Variants in WDR41 observed in about 807,000 individuals in gnomAD.
WDR41 encodes WD repeat domain 41, also known as WD repeat-containing protein 41.
A neutral mutation model predicts 69.3 loss-of-function variants in WDR41; 63 were observed. The observed-to-expected ratio is 0.91, with a 90% CI of 0.74 to 1.12. The LOEUF (loss-of-function observed/expected upper bound fraction) is 1.12. WDR41 is among the 50% of genes most tolerant of loss of function. WDR41 has a pLI of 0.00. For missense variants in WDR41, 543 were observed against 534.5 expected (o/e 1.02, Z -0.16); for synonymous variants, 185 against 192.1 (o/e 0.96, Z 0.31).
chr5:77,502,950 T>C lies in WDR41; in HGVS notation c.43-13378A>G, dbSNP rs185733692. On this transcript the variant is annotated intron_variant, in intron 1 of 5. Coordinates refer to the WDR41 transcript ENST00000509971. ...AAGACCATCAATGCTATGAAGAAAC[T>C]GCATCAATTAACGGGAAAAATAACC... 1.8e-3 allele frequency among the ~76,000 whole-genome samples: 278 copies of C among 152,174 alleles called. 2 individuals are homozygous for C. Among genetic ancestry groups the C allele is most frequent in the African/African-American group, 6.4e-3 (266 of 41,494 alleles).
At chr5:77,486,745 A>G (rs890394126) in intron 2 of WDR41, among the ~76,000 whole-genome samples, 7 of 152,222 alleles carry the variant, frequency 4.6e-5, no homozygotes, top group Non-Finnish European at 7.3e-5. Flanking sequence ...TGACAGAGGC[A>G]TAAGTGAATC....
In WDR41 at chr5:77,549,731, G is replaced by A. The variant is rs12653032; in HGVS notation, c.43-60159C>T. Among the ~76,000 whole-genome samples the A allele has an allele frequency of 2.7e-4, 41 of 152,164 alleles. No homozygotes were observed. In the East Asian group the frequency reaches 6.6e-3, roughly 24 times the overall value. ...ATAAATTCAACACTATTCCTATCAA[G>A]CTACCAATGTCATTTTTCACAGAAT... On this transcript the variant is annotated intron_variant, in intron 1 of 5. Transcript: ENST00000509971.
intron 1 of WDR41, among the ~76,000 whole-genome samples, chr5:77,618,713 T>C (rs1235186686): frequency 6.6e-6 from 1 of 152,184 alleles, no homozygotes; most frequent in Non-Finnish European, 1.5e-5. Flanking sequence ...TTAGTGCCTG[T>C]GACCATAGCC....
chr5:77,504,901 A>G (rs968655681), intron 1 of WDR41, among the ~76,000 whole-genome samples: 48 of 152,224 alleles, frequency 3.2e-4, no homozygotes, highest in African/African-American at 1.1e-3. Context: ...ATTTATGACA[A>G]ATCCACAGCC....
Position 77,431,267 on chromosome 5 carries a change from C to G in WDR41, c.*1868G>C, listed in dbSNP as rs1798712425. On this transcript the variant is annotated 3_prime_UTR_variant, in exon 13 of 13. Coordinates refer to ENST00000296679, the MANE Select transcript of WDR41 (RefSeq NM_018268.4). Reference sequence around the variant, plus strand: ...ATTTTAAGGAACTGCCACAGCCACCCCAACCTTCAGTAACCACCTTAGTCA... The same window carrying G: ...ATTTTAAGGAACTGCCACAGCCACCGCAACCTTCAGTAACCACCTTAGTCA... 6.6e-6 allele frequency: 1 copy of G among 152,466 alleles called. No homozygotes were observed. Among genetic ancestry groups the G allele is most frequent in the Non-Finnish European group, 1.5e-5 (1 of 68,046 alleles). The allele number at this position is 152,466 out of a possible 1,614,324, so 9.4% of individuals were successfully genotyped here. A position where few individuals can be genotyped will look rare whatever the true frequency, so the allele number is the denominator to read the frequency against.
intron 11 of WDR41, 47 bp downstream of exon 11, chr5:77,437,287 TGA>T: frequency 6.7e-7 from 1 of 1,496,612 alleles, no homozygotes; most frequent in Non-Finnish European, 9.3e-7. Flanking sequence ...GCCTTTCACG[TGA>T]GAAAAAAGGA....
intron 1 of WDR41, among the ~76,000 whole-genome samples, chr5:77,551,611 G>A (rs1743297671): frequency 6.6e-6 from 1 of 152,138 alleles, no homozygotes; most frequent in South Asian, 2.1e-4. Context: ...CCAGGAGGTA[G>A]AGGCTGAAGT....
intron 2 of WDR41, among the ~76,000 whole-genome samples, chr5:77,466,149 A>G (rs1800295381): frequency 6.6e-6 from 1 of 151,552 alleles, no homozygotes; most frequent in East Asian, 2.0e-4. Flanking sequence ...TTAGGTAACT[A>G]GCTAAAAATC....
At chr5:77,436,422 C>G (rs1226217660) in intron 11 of WDR41, 28 bp from the exon 12 acceptor site, 1 of 1,612,926 alleles carries the variant, frequency 6.2e-7, no homozygotes, top group Admixed American at 1.7e-5. Context: ...TCCAAAATTA[C>G]TGTGCTCTGT....
chr5:77,613,264 T>A (rs1415361178), intron 1 of WDR41, among the ~76,000 whole-genome samples: 2 of 152,104 alleles, frequency 1.3e-5, no homozygotes, highest in South Asian at 2.1e-4. Flanking sequence ...AAGCTACCAA[T>A]GACTTTCTTC....
At chr5:77,472,093 T>G (rs543375137) in intron 2 of WDR41, among the ~76,000 whole-genome samples, 7 of 152,322 alleles carry the variant, frequency 4.6e-5, no homozygotes, top group Admixed American at 6.5e-5. Flanking sequence ...GTGGGCTTCA[T>G]CACTGGGATG....
intron 1 of WDR41, among the ~76,000 whole-genome samples, chr5:77,611,260 T>C (rs1438303878): frequency 1.3e-5 from 2 of 151,800 alleles, no homozygotes; most frequent in East Asian, 1.9e-4. Context: ...GACAGAAAGT[T>C]AACAAGGATA....
chr5:77,613,136 A>G (rs1287876697), intron 1 of WDR41, among the ~76,000 whole-genome samples: 3 of 151,946 alleles, frequency 2.0e-5, no homozygotes, highest in African/African-American at 7.3e-5. Context: ...TGCTCAATGA[A>G]ATAAAAGAGG....
intron 1 of WDR41, among the ~76,000 whole-genome samples, chr5:77,576,796 G>C (rs193114175): frequency 6.6e-6 from 1 of 152,090 alleles, no homozygotes; most frequent in South Asian, 2.1e-4. Context: ...CTCCCTGCTC[G>C]CTCCTATCAT....
intron 1 of WDR41, among the ~76,000 whole-genome samples, chr5:77,609,007 G>C (rs1016419581): frequency 6.6e-5 from 10 of 152,188 alleles, no homozygotes; most frequent in Admixed American, 6.5e-4. Context: ...ATTATATCCC[G>C]CACCTGGCTC....
intron 1 of WDR41, among the ~76,000 whole-genome samples, chr5:77,522,175 C>T (rs1020216820): frequency 5.3e-5 from 8 of 152,126 alleles, no homozygotes; most frequent in Non-Finnish European, 8.8e-5. Flanking sequence ...GTGAGGACGC[C>T]GTCCAGGCAG....
intron 1 of WDR41, among the ~76,000 whole-genome samples, chr5:77,579,541 A>C (rs1280736901): frequency 6.6e-6 from 1 of 152,116 alleles, no homozygotes; most frequent in Admixed American, 6.5e-5. Flanking sequence ...GCTAAAAAAA[A>C]CCACCCTGTC....
At chr5:77,581,047 A>G (rs1245638614) in intron 1 of WDR41, among the ~76,000 whole-genome samples, 2 of 152,096 alleles carry the variant, frequency 1.3e-5, no homozygotes, top group Admixed American at 1.3e-4. Context: ...TATTAAACAT[A>G]AATGGATTAA....
chr5:77,599,027 G>T (rs975369019), intron 1 of WDR41, among the ~76,000 whole-genome samples: 1 of 151,694 alleles, frequency 6.6e-6, no homozygotes, highest in Non-Finnish European at 1.5e-5. Flanking sequence ...GAAATATTAG[G>T]AATAGCTTGA....
Sources: allele counts gnomAD v4.1 joint callset (sites outside exome capture counted in the v4.1 genomes callset), GRCh38; gene constraint gnomAD v4.1.1; transcripts MANE v1.5; gene names NCBI Gene and HGNC (gene_info 2026-07-23, HGNC 2026-07-21).